The following EYS variants were observed in gnomAD, a reference collection of about 807,000 sequenced individuals.
EYS encodes the protein protein eyes shut homolog.
A neutral mutation model predicts 282.1 loss-of-function variants in EYS; 250 were observed. The observed-to-expected ratio is 0.89, with a 90% CI of 0.80 to 0.98. The LOEUF is 0.98. Among genes scored for constraint, EYS ranks in the 50% least tolerant of loss-of-function variants. EYS has a pLI of 0.00. For missense variants in EYS, 4,016 were observed against 3,709.0 expected (o/e 1.08, Z -2.15); for synonymous variants, 1,355 against 1,282.9 (o/e 1.06, Z -1.20).
chr6:65,091,404 C>G (rs1242779569), intron 12 of EYS, among the ~76,000 whole-genome samples: 1 of 151,070 alleles, frequency 6.6e-6, no homozygotes, highest in Non-Finnish European at 1.5e-5. Context: ...GAGCTTAGAT[C>G]ACTCCATTGC....
rs182494477 is a variant in EYS, at chr6:65,244,073, T to C, written c.2023+51790A>G. Among the ~76,000 whole-genome samples the C allele has an allele frequency of 1.3e-4, 20 of 152,298 alleles. No homozygotes were observed. The East Asian group carries it at 3.5e-3, about 26-fold the overall frequency. On this transcript the variant is annotated intron_variant, in intron 12 of 42. Transcript: ENST00000503581. ...CCTATTGAACGCTCACTCTGATAAA[T>C]GGCAATGGTTAGAGTTGAAATATAA...
At chr6:65,104,936 T>C (rs1255509740) in intron 12 of EYS, among the ~76,000 whole-genome samples, 1 of 151,636 alleles carries the variant, frequency 6.6e-6, no homozygotes, top group Non-Finnish European at 1.5e-5. Context: ...ACTAATTTTG[T>C]GGAAGACTGA....
intron 29 of EYS, among the ~76,000 whole-genome samples, chr6:64,350,546 T>C (rs1412781725): frequency 1.3e-5 from 2 of 151,528 alleles, no homozygotes; most frequent in Admixed American, 6.6e-5. Context: ...AACCCCACTC[T>C]CCTCTGGCAT....
chr6:64,723,022 C>A (rs937079232), intron 22 of EYS, among the ~76,000 whole-genome samples: 2 of 150,728 alleles, frequency 1.3e-5, no homozygotes, highest in Non-Finnish European at 2.9e-5. Flanking sequence ...ATGTTAAAAC[C>A]TGGAAAGGGT....
At chr6:63,843,353 A>G (rs979548076) in intron 36 of EYS, among the ~76,000 whole-genome samples, 1 of 152,034 alleles carries the variant, frequency 6.6e-6, no homozygotes, top group East Asian at 1.9e-4. Flanking sequence ...TAGGTATTTT[A>G]TTCTCTTTGT....
chr6:64,411,776 A>C (rs1174641856), intron 28 of EYS, among the ~76,000 whole-genome samples: 1 of 152,018 alleles, frequency 6.6e-6, no homozygotes, highest in African/African-American at 2.4e-5. Flanking sequence ...TGAGCCTAGG[A>C]GTTTGAGGCT....
intron 14 of EYS, among the ~76,000 whole-genome samples, chr6:64,983,180 A>C (rs544676842): frequency 6.6e-6 from 1 of 151,372 alleles, no homozygotes; most frequent in South Asian, 2.1e-4. Context: ...AATAGGAATT[A>C]GCTTTGAAAG....
At chr6:63,952,438 C>A (rs550057708) in intron 35 of EYS, among the ~76,000 whole-genome samples, 2 of 152,224 alleles carry the variant, frequency 1.3e-5, no homozygotes, top group Admixed American at 6.5e-5. Context: ...TAAGTCGGTC[C>A]CCTTCTTAAT....
At chr6:64,490,345 C>G (rs750547593) in intron 26 of EYS, among the ~76,000 whole-genome samples, 1 of 150,832 alleles carries the variant, frequency 6.6e-6, no homozygotes, top group Admixed American at 6.6e-5. Context: ...CTTTTAGTGA[C>G]TAGTTATAAA....
chr6:64,440,218 T>A (rs1200065370), intron 26 of EYS, among the ~76,000 whole-genome samples: 1 of 152,046 alleles, frequency 6.6e-6, no homozygotes, highest in Non-Finnish European at 1.5e-5. Flanking sequence ...TTGCTGTCTA[T>A]CACAGGATAA....
At chr6:64,093,396 T>G (rs1208970881) in intron 31 of EYS, among the ~76,000 whole-genome samples, 1 of 152,172 alleles carries the variant, frequency 6.6e-6, no homozygotes, top group East Asian at 1.9e-4. Context: ...GCATGGAATG[T>G]TCTTCTATGT....
At chr6:65,203,768 A>C (rs1173636077) in intron 12 of EYS, among the ~76,000 whole-genome samples, 1 of 152,196 alleles carries the variant, frequency 6.6e-6, no homozygotes, top group Non-Finnish European at 1.5e-5. Flanking sequence ...CAAAGAATTT[A>C]AGATATGCAT....
At chr6:65,436,490 G>A (rs1302452638) in intron 5 of EYS, among the ~76,000 whole-genome samples, 2 of 152,078 alleles carry the variant, frequency 1.3e-5, no homozygotes, top group Non-Finnish European at 2.9e-5. Flanking sequence ...TGTTTTGATT[G>A]TCTATTCAGT....
intron 5 of EYS, among the ~76,000 whole-genome samples, chr6:65,467,125 C>A (rs375023689): frequency 6.6e-6 from 1 of 152,010 alleles, no homozygotes; most frequent in African/African-American, 2.4e-5. Context: ...TTTTTAAAAC[C>A]ATTATGTATG....
chr6:64,897,838 G>A (rs1165926386), intron 18 of EYS, among the ~76,000 whole-genome samples: 2 of 152,300 alleles, frequency 1.3e-5, no homozygotes, highest in East Asian at 1.9e-4. Context: ...AATAGATTAA[G>A]TGGAAGAAAG....
chr6:64,021,570 A>G (rs1027316035), intron 33 of EYS, among the ~76,000 whole-genome samples: 1 of 152,188 alleles, frequency 6.6e-6, no homozygotes, highest in African/African-American at 2.4e-5. Flanking sequence ...AATAAATGGT[A>G]AGTCTTGTTA....
intron 22 of EYS, among the ~76,000 whole-genome samples, chr6:64,697,258 T>A (rs553804243): frequency 6.6e-6 from 1 of 151,946 alleles, no homozygotes; most frequent in Admixed American, 6.6e-5. Context: ...TATACTTATA[T>A]CAGATAAAAC....
chr6:65,199,916 C>T (rs534471525), intron 12 of EYS, among the ~76,000 whole-genome samples: 1 of 152,164 alleles, frequency 6.6e-6, no homozygotes, highest in East Asian at 1.9e-4. Flanking sequence ...TTGGAGCATT[C>T]TACAGAGTTT....
At chr6:65,575,575 G>T (rs1191781291) in intron 2 of EYS, among the ~76,000 whole-genome samples, 1 of 151,610 alleles carries the variant, frequency 6.6e-6, no homozygotes, top group Non-Finnish European at 1.5e-5. Context: ...TTTGTAGCAT[G>T]AATGATATAA....
Sources: gnomAD v4.1 joint callset for allele counts (sites outside exome capture counted in the v4.1 genomes callset) on GRCh38, gnomAD v4.1.1 for gene constraint, MANE v1.5 for transcripts, NCBI Gene and HGNC (gene_info 2026-07-23, HGNC 2026-07-21) for gene names.